The following CCDC171 variants were observed in gnomAD, a reference collection of about 807,000 sequenced individuals.
CCDC171 encodes coiled-coil domain containing 171.
CCDC171 carries 177 observed loss-of-function variants against 168.2 expected under a neutral mutation model. The ratio of observed to expected loss-of-function variants is 1.05; its 90% CI spans 0.93 to 1.19. CCDC171 has a LOEUF of 1.19. Among genes scored for constraint, CCDC171 ranks in the 50% most tolerant of loss-of-function variants. The pLI is 0.00. For synonymous variants in CCDC171, 687 were observed against 540.8 expected (o/e 1.27, Z -3.75); for missense variants, 1,991 against 1,539.0 (o/e 1.29, Z -4.91).
intron 21 of CCDC171, among the ~76,000 whole-genome samples, chr9:15,803,642 C>A (rs1314169375): frequency 1.3e-5 from 2 of 152,046 alleles, no homozygotes; most frequent in Non-Finnish European, 2.9e-5. Flanking sequence ...TGTACCAGTA[C>A]CATGCTGTTT....
chr9:15,685,364 C>T (rs73644692), intron 10 of CCDC171, among the ~76,000 whole-genome samples: 3,234 of 152,208 alleles, frequency 0.021, 118 homozygotes, highest in African/African-American at 0.074. Context: ...TGGTGGCTGA[C>T]ACCTATAATC....
chr9:15,672,246 A>G (rs1356088303), intron 9 of CCDC171, among the ~76,000 whole-genome samples: 6 of 152,266 alleles, frequency 3.9e-5, no homozygotes, highest in African/African-American at 1.4e-4. Flanking sequence ...GATTCTGGAT[A>G]TTAGCCCTTT....
rs1033491300 is a variant in CCDC171 at position 15,601,098 on chromosome 9, C to G, written c.675+6926C>G. ...TTGTGCCTCCTGGGGGAGGCGATGC[C>G]TCGCCCTGCTTCGACTCACGCTCAG... On this transcript the variant is annotated intron_variant, in intron 6 of 25. Coordinates refer to ENST00000380701, the MANE Select transcript of CCDC171 (RefSeq NM_173550.4). 3.9e-5 allele frequency among the ~76,000 whole-genome samples: 6 copies of G among 152,182 alleles called. No homozygotes were observed. The South Asian group carries it at 8.3e-4, about 21-fold the overall frequency.
At chr9:16,032,741 C>A (rs1198326455) in intron 6 of CCDC171, among the ~76,000 whole-genome samples, 6 of 152,076 alleles carry the variant, frequency 3.9e-5, no homozygotes, top group Admixed American at 3.9e-4. Context: ...CCTAGGCCTC[C>A]CAAAATGCTG....
At chr9:15,731,598 G>T (rs1454067614) in intron 16 of CCDC171, among the ~76,000 whole-genome samples, 1 of 152,072 alleles carries the variant, frequency 6.6e-6, no homozygotes, top group African/African-American at 2.4e-5. Flanking sequence ...TTGATGGATT[G>T]TGGGTTGATG....
intron 18 of CCDC171, among the ~76,000 whole-genome samples, chr9:15,768,732 C>T (rs1242308114): frequency 6.6e-6 from 1 of 151,966 alleles, no homozygotes; most frequent in Non-Finnish European, 1.5e-5. Flanking sequence ...TCTATAGATA[C>T]ATTATTTTAA....
chr9:16,028,680 C>T (rs1468149847), intron 6 of CCDC171, among the ~76,000 whole-genome samples: 1 of 152,144 alleles, frequency 6.6e-6, no homozygotes, highest in African/African-American at 2.4e-5. Flanking sequence ...TCTCAGATCT[C>T]CAACTGCAGG....
chr9:16,074,266 A>C, the CCDC171 span, among the ~76,000 whole-genome samples: 1 of 152,134 alleles, frequency 6.6e-6, no homozygotes, highest in Non-Finnish European at 1.5e-5. Flanking sequence ...TTGATAATCT[A>C]TCTCCAACAG....
intron 23 of CCDC171, among the ~76,000 whole-genome samples, chr9:15,869,768 A>G (rs997342535): frequency 5.9e-5 from 9 of 151,814 alleles, no homozygotes; most frequent in Non-Finnish European, 2.9e-5. Context: ...AAAATGTATC[A>G]GGAGACGGTA....
At chr9:15,807,631 A>G (rs559528533) in intron 21 of CCDC171, among the ~76,000 whole-genome samples, 1 of 152,044 alleles carries the variant, frequency 6.6e-6, no homozygotes, top group South Asian at 2.1e-4. Flanking sequence ...TTTGCTCTTC[A>G]GTTGCTCAAT....
chr9:15,982,146 A>T lies in CCDC171; in HGVS notation n.369-38443A>T, dbSNP rs186790610. 7.2e-5 allele frequency among the ~76,000 whole-genome samples: 11 copies of T among 152,286 alleles called. No individual in the cohort carries two copies. In the East Asian group the frequency reaches 2.1e-3, roughly 29 times the overall value. ...GAAGGCTGATGTATGAGTGCTGCAA[A>T]TTAAGGTGTTATGTTTATAATTAAA... On this transcript the variant is annotated intron_variant and non_coding_transcript_variant, in intron 3 of 9. Transcript: ENST00000486641.
chr9:15,976,425 A>G (rs1378024395), downstream of CCDC171, among the ~76,000 whole-genome samples: 3 of 152,134 alleles, frequency 2.0e-5, no homozygotes, highest in Non-Finnish European at 1.5e-5. Context: ...GTCACACTCT[A>G]TTGCCATAAC....
chr9:15,756,307 A>T (rs1429346428), intron 18 of CCDC171, among the ~76,000 whole-genome samples: 1 of 152,234 alleles, frequency 6.6e-6, no homozygotes, highest in African/African-American at 2.4e-5. Context: ...TTAGAAAAGA[A>T]TAAAAATAAC....
downstream of CCDC171, among the ~76,000 whole-genome samples, chr9:15,977,014 T>C (rs531950561): frequency 6.6e-6 from 1 of 152,220 alleles, no homozygotes; most frequent in East Asian, 1.9e-4. Context: ...AAGCCTCTGG[T>C]TCTGTAAGAA....
intron 24 of CCDC171, among the ~76,000 whole-genome samples, chr9:15,896,122 A>C (rs1464834528): frequency 6.6e-6 from 1 of 152,082 alleles, no homozygotes; most frequent in Non-Finnish European, 1.5e-5. Flanking sequence ...TCTTTAGCAT[A>C]ATAAGGGCAA....
chr9:15,578,937 C>G lies in CCDC171; in HGVS notation c.266C>G (p.Ala89Gly), dbSNP rs774020880. The G allele has an allele frequency of 3.7e-6, 6 of 1,613,894 alleles. No individual in the cohort carries two copies. Among genetic ancestry groups the G allele is most frequent in the Non-Finnish European group, 5.1e-6 (6 of 1,179,840 alleles). The part of the protein sequence containing the change: ...ALRQSLEYDL[A>G]VARKEAGLGR... ...CGACAAAGTCTGGAATATGACCTAG[C>G]TGTTGCTAGAAAGGAAGCTGGTCTT... Residue 89 changes from alanine (A) to glycine (G), a missense_variant, in exon 4 of 26, where the codon GCT becomes GGT. By Grantham distance (60) the Ala-to-Gly change is moderately conservative. Coordinates refer to ENST00000380701, the MANE Select transcript of CCDC171 (RefSeq NM_173550.4).
At position 15,778,928 on chromosome 9, in the gene CCDC171, T is replaced by A. The variant is rs1159728637; in HGVS notation, c.2899-40T>A. ...TGGTTATTGCTATTGTTAGTAAATCTGTAGTTACTGTTTATAAAATTGCTC... is the reference window on the plus strand; with the variant it reads ...TGGTTATTGCTATTGTTAGTAAATCAGTAGTTACTGTTTATAAAATTGCTC... On this transcript the variant is annotated intron_variant, in intron 19 of 25. Coordinates refer to ENST00000380701, the MANE Select transcript of CCDC171 (RefSeq NM_173550.4). The A allele has an allele frequency of 4.5e-6, 6 of 1,345,856 alleles. No homozygotes were observed. In the African/African-American group the frequency reaches 7.4e-5, roughly 17 times the overall value. The allele number at this position is 1,345,856 out of a possible 1,614,324, so 83.4% of individuals were successfully genotyped here.
intron 7 of CCDC171, among the ~76,000 whole-genome samples, chr9:15,642,969 T>G (rs2046758310): frequency 6.6e-6 from 1 of 152,310 alleles, no homozygotes; most frequent in East Asian, 1.9e-4. Flanking sequence ...ACTATCATTT[T>G]GATAAAGAAG....
chr9:16,066,979 T>A, the CCDC171 span, among the ~76,000 whole-genome samples: 2 of 152,004 alleles, frequency 1.3e-5, no homozygotes, highest in African/African-American at 4.8e-5. Context: ...ATATACCCAG[T>A]AATGGGATGG....
Sources: allele counts gnomAD v4.1 joint callset (sites outside exome capture counted in the v4.1 genomes callset), GRCh38; gene constraint gnomAD v4.1.1; transcripts MANE v1.5; gene names NCBI Gene and HGNC (gene_info 2026-07-23, HGNC 2026-07-21).